Variants in FAM81A observed in about 807,000 individuals in gnomAD.
FAM81A encodes family with sequence similarity 81 member A.
A neutral mutation model predicts 46.7 loss-of-function variants in FAM81A; 19 were observed. The observed-to-expected ratio is 0.41, with a 90% confidence interval of 0.28 to 0.60. The LOEUF (loss-of-function observed/expected upper bound fraction) is 0.60, where lower values mean the gene tolerates loss of function less well. Ranked by LOEUF, FAM81A falls within the 20% of genes least tolerant of loss-of-function variation. The probability of loss-of-function intolerance (pLI) is 0.34; values close to 1 mark genes in which losing one functional copy is unlikely to be tolerated. For missense variants in FAM81A, 377 were observed against 453.5 expected, an observed-to-expected ratio of 0.83 and a Z score of 1.53; for synonymous variants, 183 against 152.9, an observed-to-expected ratio of 1.20 and a Z score of -1.45.
chr15:59,504,132 TA>T (rs1397663376), intron 4 of FAM81A, among the ~76,000 whole-genome samples: 1 of 152,214 alleles, frequency 6.6e-6, no homozygotes, highest in East Asian at 1.9e-4. Flanking sequence ...AAAACTATTA[TA>T]TTTTTTATTT....
intron 3 of FAM81A, among the ~76,000 whole-genome samples, chr15:59,470,484 C>T (rs1374483634): frequency 6.6e-6 from 1 of 152,190 alleles, no homozygotes; most frequent in East Asian, 1.9e-4. Context: ...CTTTCTTCCA[C>T]TTGATTGAAT....
chr15:59,489,286 C>CATACATACATACATACATAT (rs2081956209), intron 3 of FAM81A, among the ~76,000 whole-genome samples: 2 of 149,906 alleles, frequency 1.3e-5, no homozygotes, highest in African/African-American at 4.9e-5. Context: ...TACATACATA[C>CATACATACATACATACATAT]ATACATACAT....
chr15:59,491,694 C>G (rs2081983294), intron 3 of FAM81A, among the ~76,000 whole-genome samples: 1 of 152,180 alleles, frequency 6.6e-6, no homozygotes. Context: ...CCTGTAATCC[C>G]AGCACTTTGG....
At chr15:59,472,598 G>A (rs2081709071) in intron 3 of FAM81A, among the ~76,000 whole-genome samples, 1 of 151,556 alleles carries the variant, frequency 6.6e-6, no homozygotes, top group Non-Finnish European at 1.5e-5. Context: ...GACGGGGTCT[G>A]GCTGTGCAGT....
At chr15:59,414,470 T>G (rs574602715) in intron 2 of FAM81A, among the ~76,000 whole-genome samples, 1 of 152,274 alleles carries the variant, frequency 6.6e-6, no homozygotes, top group Admixed American at 6.5e-5. Context: ...TTGTATGCCC[T>G]CTTCACAGGG....
chr15:59,466,017 G>A (rs1476078031), intron 3 of FAM81A, among the ~76,000 whole-genome samples: 2 of 152,162 alleles, frequency 1.3e-5, no homozygotes, highest in African/African-American at 4.8e-5. Context: ...CCTGATCCGT[G>A]TCCCTGCAAA....
intron 8 of FAM81A, among the ~76,000 whole-genome samples, chr15:59,518,157 T>C (rs917069906): frequency 6.7e-6 from 1 of 149,794 alleles, no homozygotes; most frequent in African/African-American, 2.5e-5. Flanking sequence ...TTTTTTTTTT[T>C]AATAGAAACA....
At chr15:59,450,961 T>C (rs1394409861) in intron 1 of FAM81A, among the ~76,000 whole-genome samples, 1 of 152,130 alleles carries the variant, frequency 6.6e-6, no homozygotes, top group Non-Finnish European at 1.5e-5. Context: ...AAGTCACAGG[T>C]CCCACCCACA....
At chr15:59,449,677 G>A (rs1405874374) in intron 1 of FAM81A, among the ~76,000 whole-genome samples, 1 of 151,506 alleles carries the variant, frequency 6.6e-6, no homozygotes, top group Admixed American at 6.6e-5. Flanking sequence ...AGCTACGCGG[G>A]AGGCTGAGGC....
chr15:59,472,869 T>G (rs1050280072), intron 3 of FAM81A, among the ~76,000 whole-genome samples: 1 of 152,220 alleles, frequency 6.6e-6, no homozygotes, highest in South Asian at 2.1e-4. Flanking sequence ...CTGTAAATAA[T>G]ATACTTGTCT....
chr15:59,450,605 G>A (rs2081407419), intron 1 of FAM81A, among the ~76,000 whole-genome samples: 1 of 151,956 alleles, frequency 6.6e-6, no homozygotes, highest in Admixed American at 6.6e-5. Context: ...TGATGAAATG[G>A]TATCTCTGGG....
At chr15:59,515,719 T>A (rs1363621611) in intron 7 of FAM81A, among the ~76,000 whole-genome samples, 1 of 152,238 alleles carries the variant, frequency 6.6e-6, no homozygotes, top group Non-Finnish European at 1.5e-5. Context: ...TTGGCTTACT[T>A]GGATTTATAC....
chr15:59,489,298 CATACATACATACATAT>C (rs1279610925), intron 3 of FAM81A, among the ~76,000 whole-genome samples: 12 of 150,586 alleles, frequency 8.0e-5, no homozygotes, highest in Middle Eastern at 6.8e-3. Flanking sequence ...TACATACATA[CATACATACATACATAT>C]ATACATACAT....
At chr15:59,423,253 C>T (rs2081182290) in intron 2 of FAM81A, among the ~76,000 whole-genome samples, 1 of 152,140 alleles carries the variant, frequency 6.6e-6, no homozygotes, top group African/African-American at 2.4e-5. Context: ...CGCCCGCCAA[C>T]ACGCCTGGCT....
At chr15:59,436,906 C>G (rs1448042870), upstream of FAM81A, among the ~76,000 whole-genome samples, 4 of 152,208 alleles carry the variant, frequency 2.6e-5, no homozygotes, top group African/African-American at 9.7e-5. Context: ...GCTCGTCAGG[C>G]TCTAAGCTCT....
chr15:59,487,195 A>G (rs2081927485), intron 3 of FAM81A, among the ~76,000 whole-genome samples: 1 of 146,944 alleles, frequency 6.8e-6, no homozygotes, highest in African/African-American at 2.5e-5. Context: ...TATTTTATAT[A>G]TATATTATAT....
intron 2 of FAM81A, among the ~76,000 whole-genome samples, chr15:59,410,156 G>T (rs2081114057): frequency 6.6e-6 from 1 of 152,048 alleles, no homozygotes; most frequent in Non-Finnish European, 1.5e-5. Context: ...AATTTGTCAG[G>T]CATGGTGGCG....
chr15:59,441,659 C>CTGGCT (rs1445300419), intron 1 of FAM81A, among the ~76,000 whole-genome samples: 1 of 152,226 alleles, frequency 6.6e-6, no homozygotes, highest in Non-Finnish European at 1.5e-5. Flanking sequence ...GGCCTTTGCC[C>CTGGCT]TGGCTTTCCC....
intron 3 of FAM81A, among the ~76,000 whole-genome samples, chr15:59,465,025 T>C (rs1387260964): frequency 6.6e-6 from 1 of 152,196 alleles, no homozygotes; most frequent in African/African-American, 2.4e-5. Flanking sequence ...TTAATTCTTT[T>C]GCATATGGAT....
Sources: gnomAD v4.1 joint callset for allele counts (sites outside exome capture counted in the v4.1 genomes callset) on GRCh38, gnomAD v4.1.1 for gene constraint, MANE v1.5 for transcripts, NCBI Gene and HGNC (gene_info 2026-07-23, HGNC 2026-07-21) for gene names.